Variants in EYS observed in about 807,000 individuals in gnomAD.
EYS encodes the protein protein eyes shut homolog.
A neutral mutation model predicts 282.1 loss-of-function variants in EYS; 250 were observed. The observed-to-expected ratio is 0.89, with a 90% confidence interval of 0.80 to 0.98. The LOEUF (loss-of-function observed/expected upper bound fraction) is 0.98, where lower values mean the gene tolerates loss of function less well. Among genes scored for constraint, EYS ranks in the 50% least tolerant of loss-of-function variants. EYS has a pLI of 0.00. For missense variants in EYS, 4,016 were observed against 3,709.0 expected (o/e 1.08, Z -2.15); for synonymous variants, 1,355 against 1,282.9 (o/e 1.06, Z -1.20).
chr6:64,356,452 CT>C (rs1317273314), intron 29 of EYS, among the ~76,000 whole-genome samples: 1 of 151,636 alleles, frequency 6.6e-6, no homozygotes, highest in African/African-American at 2.4e-5. Flanking sequence ...CCTCTTCCCC[CT>C]GAAGCAGTTT....
intron 35 of EYS, among the ~76,000 whole-genome samples, chr6:63,945,191 G>A (rs923868916): frequency 9.2e-5 from 14 of 152,020 alleles, no homozygotes; most frequent in African/African-American, 3.1e-4. Context: ...TGGCTGGGGA[G>A]GCCTCAAAAA....
chr6:65,033,556 G>T (rs1409925654), intron 13 of EYS, among the ~76,000 whole-genome samples: 3 of 152,132 alleles, frequency 2.0e-5, no homozygotes, highest in African/African-American at 7.2e-5. Flanking sequence ...ACAGCTCCAG[G>T]CTGCCATTCT....
At chr6:65,514,416 T>C (rs1425066362) in intron 2 of EYS, among the ~76,000 whole-genome samples, 1 of 152,236 alleles carries the variant, frequency 6.6e-6, no homozygotes, top group East Asian at 1.9e-4. Context: ...CAATGACTTT[T>C]TTCACAGAAT....
At chr6:65,435,240 A>T (rs1043177641) in intron 5 of EYS, among the ~76,000 whole-genome samples, 2 of 152,052 alleles carry the variant, frequency 1.3e-5, no homozygotes, top group Non-Finnish European at 2.9e-5. Flanking sequence ...GGGACAGTAG[A>T]TGAAAGTATC....
At chr6:64,943,618 AC>A (rs1769174730) in intron 15 of EYS, among the ~76,000 whole-genome samples, 1 of 151,986 alleles carries the variant, frequency 6.6e-6, no homozygotes, top group African/African-American at 2.4e-5. Flanking sequence ...AAACAAACAA[AC>A]AAACAAAAAA....
intron 14 of EYS, among the ~76,000 whole-genome samples, chr6:64,981,118 C>T (rs1221636820): frequency 6.6e-6 from 1 of 151,166 alleles, no homozygotes; most frequent in Non-Finnish European, 1.5e-5. Flanking sequence ...TCCTATATCA[C>T]ATAATTATTA....
At chr6:64,318,497 C>T (rs1246106289) in intron 29 of EYS, among the ~76,000 whole-genome samples, 1 of 151,934 alleles carries the variant, frequency 6.6e-6, no homozygotes, top group Admixed American at 6.6e-5. Context: ...TAAATACAAA[C>T]ACATCACAAT....
At chr6:64,867,278 C>A (rs1013878235) in intron 19 of EYS, among the ~76,000 whole-genome samples, 1 of 151,552 alleles carries the variant, frequency 6.6e-6, no homozygotes, top group African/African-American at 2.4e-5. Context: ...TCAGAAAATG[C>A]CAAACCTGAA....
chr6:64,536,388 A>G (rs1415687590), intron 26 of EYS, among the ~76,000 whole-genome samples: 1 of 152,210 alleles, frequency 6.6e-6, no homozygotes, highest in East Asian at 1.9e-4. Flanking sequence ...AGAATAAGTC[A>G]TTTATTCAGT....
intron 32 of EYS, 115 bp from the exon 33 acceptor site, chr6:64,066,606 G>T: frequency 1.4e-6 from 1 of 695,216 alleles, no homozygotes; most frequent in Non-Finnish European, 2.4e-6. Context: ...GTTGGTAGGA[G>T]TGCTATTAGA....
At chr6:64,161,882 G>C (rs1422562419) in intron 31 of EYS, among the ~76,000 whole-genome samples, 1 of 152,148 alleles carries the variant, frequency 6.6e-6, no homozygotes, top group Non-Finnish European at 1.5e-5. Context: ...TTTTCAGGAA[G>C]AGTTTGCAGT....
chr6:65,331,374 C>CT (rs938328023), intron 11 of EYS: 68 of 767,360 alleles, frequency 8.9e-5, no homozygotes, highest in Admixed American at 3.2e-4. Context: ...ATTAGAGCAT[C>CT]TTTTTTTTAA....
chr6:64,562,090 A>C (rs940488456), intron 26 of EYS, among the ~76,000 whole-genome samples: 1 of 151,858 alleles, frequency 6.6e-6, no homozygotes, highest in Admixed American at 6.6e-5. Flanking sequence ...TCTTTTATTC[A>C]AAACAATATT....
At chr6:64,689,461 G>GA (rs34945830) in intron 22 of EYS, among the ~76,000 whole-genome samples, 2 of 150,130 alleles carry the variant, frequency 1.3e-5, no homozygotes, top group African/African-American at 4.9e-5. Flanking sequence ...CACAGAACTG[G>GA]AAAAAAAAAA....
chr6:64,512,508 A>G (rs1777441259), intron 26 of EYS, among the ~76,000 whole-genome samples: 1 of 151,914 alleles, frequency 6.6e-6, no homozygotes, highest in African/African-American at 2.4e-5. Context: ...GGGGCCATCT[A>G]TACTGCCATG....
At chr6:64,295,475 GAAGAAGAAGAAGAAGAAGAAGA>G (rs1489131009) in intron 30 of EYS, among the ~76,000 whole-genome samples, 1 of 40,542 alleles carries the variant, frequency 2.5e-5, no homozygotes, top group Non-Finnish European at 4.2e-5. Context: ...AGAAGAAGAA[GAAGAAGAAGAAGAAGAAGAAGA>G]AAGAAGAAAG....
chr6:63,907,987 T>TACACACACACAC (rs60426309), intron 35 of EYS, among the ~76,000 whole-genome samples: 57 of 105,924 alleles, frequency 5.4e-4, no homozygotes, highest in African/African-American at 1.9e-3. Flanking sequence ...TGTATATATG[T>TACACACACACAC]ACACACACAC....
intron 33 of EYS, among the ~76,000 whole-genome samples, chr6:64,000,348 C>A (rs1258283970): frequency 6.6e-6 from 1 of 150,948 alleles, no homozygotes; most frequent in Non-Finnish European, 1.5e-5. Context: ...CCCGCCACCA[C>A]GCCAGGCTAA....
chr6:65,133,103 A>G (rs2150203636), intron 12 of EYS, among the ~76,000 whole-genome samples: 1 of 152,226 alleles, frequency 6.6e-6, no homozygotes, highest in East Asian at 1.9e-4. Context: ...ATTGGTAGGA[A>G]GAATCAATAT....
Sources: allele counts gnomAD v4.1 joint callset (sites outside exome capture counted in the v4.1 genomes callset), GRCh38; gene constraint gnomAD v4.1.1; transcripts MANE v1.5; gene names NCBI Gene and HGNC (gene_info 2026-07-23, HGNC 2026-07-21).